The following DPYD variants were observed in gnomAD, a reference collection of about 807,000 sequenced individuals.
The protein encoded by DPYD is dihydropyrimidine dehydrogenase [NADP(+)].
Under a neutral mutation model 116.2 loss-of-function variants are expected in DPYD, and 109 were observed. That is an observed-to-expected ratio of 0.94 (90% CI 0.80 to 1.10). The LOEUF is 1.10. DPYD is among the 50% of genes least tolerant of loss of function. The pLI is 0.00. For synonymous variants in DPYD, 440 were observed against 432.0 expected, an observed-to-expected ratio of 1.02 and a Z score of -0.23; for missense variants, 1,302 against 1,254.5, an observed-to-expected ratio of 1.04 and a Z score of -0.57.
chr1:97,629,131 C>T (rs957187167), intron 8 of DPYD, among the ~76,000 whole-genome samples: 1 of 151,974 alleles, frequency 6.6e-6, no homozygotes, highest in Admixed American at 6.6e-5. Context: ...CTGTTTTCCT[C>T]CTACCCCATA....
intron 13 of DPYD, among the ~76,000 whole-genome samples, chr1:97,487,223 A>G (rs1678687766): frequency 6.6e-6 from 1 of 152,170 alleles, no homozygotes; most frequent in Non-Finnish European, 1.5e-5. Context: ...AGACAAAGAA[A>G]TATCTTTATA....
chr1:97,482,672 C>A (rs540326055), intron 13 of DPYD, among the ~76,000 whole-genome samples: 1 of 152,050 alleles, frequency 6.6e-6, no homozygotes, highest in Non-Finnish European at 1.5e-5. Flanking sequence ...ATACGAGTAG[C>A]CATTAAAGAG....
At chr1:97,848,141 A>T (rs1321510836) in intron 2 of DPYD, among the ~76,000 whole-genome samples, 5 of 152,220 alleles carry the variant, frequency 3.3e-5, no homozygotes, top group Non-Finnish European at 5.9e-5. Context: ...TCTATCACCC[A>T]GGCTGGAGTG....
chr1:97,714,208 C>T (rs1662468313), intron 5 of DPYD, among the ~76,000 whole-genome samples: 1 of 151,696 alleles, frequency 6.6e-6, no homozygotes, highest in Non-Finnish European at 1.5e-5. Context: ...CACATAGACC[C>T]CCCCTTTTTA....
At position 97,237,186 on chromosome 1, in the gene DPYD, A is replaced by G. The variant is rs1661994030; in HGVS notation, c.2300-2192T>C. Reference sequence around the variant, plus strand: ...AACCCAGGAGGTGGAGGCTGCAGTGAGCCGAGATTGCGCCATTGCCCTCCA... The same window carrying G: ...AACCCAGGAGGTGGAGGCTGCAGTGGGCCGAGATTGCGCCATTGCCCTCCA... On this transcript the variant is annotated intron_variant, in intron 18 of 22. Coordinates refer to ENST00000370192, the MANE Select transcript of DPYD (RefSeq NM_000110.4). 3.7e-5 allele frequency among the ~76,000 whole-genome samples: 5 copies of G among 135,842 alleles called. No homozygotes were observed. The Admixed American group carries it at 4.3e-4, about 12-fold the overall frequency. 89.1% of individuals were successfully genotyped at this position (135,842 alleles called of 152,430 possible).
At chr1:97,230,275 C>T (rs1229335322) in intron 19 of DPYD, among the ~76,000 whole-genome samples, 3 of 152,132 alleles carry the variant, frequency 2.0e-5, no homozygotes, top group Admixed American at 6.5e-5. Flanking sequence ...AAATGTGGTA[C>T]ATGTACACCA....
chr1:97,304,380 T>C (rs1339390067), intron 18 of DPYD, among the ~76,000 whole-genome samples: 3 of 152,146 alleles, frequency 2.0e-5, no homozygotes, highest in Non-Finnish European at 1.5e-5. Context: ...ATTGTGGGAA[T>C]GGCATTCAAT....
At chr1:97,639,077 T>C (rs1657733896) in intron 8 of DPYD, among the ~76,000 whole-genome samples, 1 of 152,130 alleles carries the variant, frequency 6.6e-6, no homozygotes, top group Non-Finnish European at 1.5e-5. Context: ...AAGGCAAATC[T>C]TCTTTGTAGG....
chr1:97,657,019 G>C (rs1460277080), intron 8 of DPYD, among the ~76,000 whole-genome samples: 3 of 148,136 alleles, frequency 2.0e-5, no homozygotes, highest in Non-Finnish European at 3.0e-5. Flanking sequence ...CCAGGCTGGA[G>C]TGCAGCAGCA....
intron 21 of DPYD, among the ~76,000 whole-genome samples, chr1:97,098,142 T>G (rs1412785234): frequency 6.6e-6 from 1 of 152,102 alleles, no homozygotes. Context: ...TTGTACTACA[T>G]GACTAATACA....
At chr1:97,318,809 A>AT (rs1668035475) in intron 16 of DPYD, among the ~76,000 whole-genome samples, 1 of 150,242 alleles carries the variant, frequency 6.7e-6, no homozygotes, top group Non-Finnish European at 1.5e-5. Context: ...CACCTATTCC[A>AT]AAATTGACCA....
At position 97,830,185 on chromosome 1, in the gene DPYD, T is replaced by C. The variant is rs190268977; in HGVS notation, c.151-1989A>G. 5.0e-3 allele frequency among the ~76,000 whole-genome samples: 767 copies of C among 152,322 alleles called. 8 individuals are homozygous for C. The highest frequency in any genetic ancestry group is 0.016 in the African/African-American group (685 of 41,566). ...TGGGCTGGTTCCAAGTCTTTGCCATTGTGAATAGTGCCTCAATAAACATAT... is the reference window on the plus strand; with the variant it reads ...TGGGCTGGTTCCAAGTCTTTGCCATCGTGAATAGTGCCTCAATAAACATAT... On this transcript the variant is annotated intron_variant, in intron 2 of 22. Transcript: ENST00000370192.
chr1:97,836,722 A>T (rs1669789184), intron 2 of DPYD, among the ~76,000 whole-genome samples: 2 of 152,120 alleles, frequency 1.3e-5, no homozygotes, highest in Non-Finnish European at 2.9e-5. Flanking sequence ...GGGCTCTAAA[A>T]ATTAACAATC....
At chr1:97,229,748 T>C (rs1661464395) in intron 19 of DPYD, among the ~76,000 whole-genome samples, 1 of 151,900 alleles carries the variant, frequency 6.6e-6, no homozygotes, top group Non-Finnish European at 1.5e-5. Flanking sequence ...CCTAGGTATT[T>C]TTTAGCTGAA....
intron 16 of DPYD, among the ~76,000 whole-genome samples, chr1:97,368,297 C>A (rs966808473): frequency 6.6e-6 from 1 of 152,080 alleles, no homozygotes; most frequent in African/African-American, 2.4e-5. Context: ...AGATTAAGCA[C>A]TTTTCTGGTC....
intron 8 of DPYD, among the ~76,000 whole-genome samples, chr1:97,638,548 A>G (rs984759888): frequency 6.6e-6 from 1 of 152,196 alleles, no homozygotes; most frequent in African/African-American, 2.4e-5. Context: ...AAATCTTCAT[A>G]TTGGATGACT....
intron 20 of DPYD, among the ~76,000 whole-genome samples, chr1:97,143,536 G>A (rs1654385243): frequency 6.6e-6 from 1 of 152,118 alleles, no homozygotes; most frequent in South Asian, 2.1e-4. Context: ...GTATTACCCA[G>A]TGACTGTACC....
intron 8 of DPYD, among the ~76,000 whole-genome samples, chr1:97,605,861 C>A (rs1023673222): frequency 1.1e-4 from 16 of 151,974 alleles, no homozygotes; most frequent in African/African-American, 3.6e-4. Flanking sequence ...ATATGCATAC[C>A]TTTCTTGATA....
chr1:97,549,019 A>G (rs1651115765), intron 12 of DPYD, among the ~76,000 whole-genome samples: 1 of 152,032 alleles, frequency 6.6e-6, no homozygotes, highest in South Asian at 2.1e-4. Flanking sequence ...CATCAGGACT[A>G]ATGACTTCAC....
Sources: gnomAD v4.1 joint callset for allele counts (sites outside exome capture counted in the v4.1 genomes callset) on GRCh38, gnomAD v4.1.1 for gene constraint, MANE v1.5 for transcripts, NCBI Gene and HGNC (gene_info 2026-07-23, HGNC 2026-07-21) for gene names.